KPNA5: variants seen among roughly 807,000 people sequenced by gnomAD.
The protein encoded by KPNA5 is importin subunit alpha-6.
KPNA5 carries 46 observed loss-of-function variants against 71.3 expected under a neutral mutation model. The observed-to-expected ratio is 0.65, with a 90% CI of 0.51 to 0.83. KPNA5 has a LOEUF of 0.83. Among genes scored for constraint, KPNA5 ranks in the 40% least tolerant of loss-of-function variants. The pLI is 0.00. For synonymous variants in KPNA5, 207 were observed against 201.4 expected (o/e 1.03, Z -0.24); for missense variants, 547 against 628.3 (o/e 0.87, Z 1.38).
intron 1 of KPNA5, among the ~76,000 whole-genome samples, chr6:116,682,473 T>C (rs916340986): frequency 7.9e-5 from 12 of 152,226 alleles, no homozygotes; most frequent in African/African-American, 2.4e-4. Context: ...AGTGGTTTTC[T>C]TGGTAGGTCA....
chr6:116,684,589 C>T (rs936865147), intron 1 of KPNA5, among the ~76,000 whole-genome samples: 1 of 152,192 alleles, frequency 6.6e-6, no homozygotes, highest in African/African-American at 2.4e-5. Flanking sequence ...TATTCTTCTA[C>T]TTCTCTGACC....
At position 116,724,867 on chromosome 6, in the gene KPNA5, G is replaced by GATCCTTT. The variant is rs1779237738; in HGVS notation, c.999+492_999+493insATCCTTT. 2.6e-5 allele frequency among the ~76,000 whole-genome samples: 4 copies of GATCCTTT among 152,016 alleles called. No homozygotes were observed. The South Asian group carries it at 8.3e-4, about 32-fold the overall frequency. ...TGAGCTCAAGTGATCCTCCTGCTTT[G>GATCCTTT]GCCTCTCAAAGCGTTAGACTTACAG... On this transcript the variant is annotated intron_variant, in intron 10 of 13. Transcript: ENST00000368564.
chr6:116,707,353 A>T (rs1477093462), intron 7 of KPNA5, among the ~76,000 whole-genome samples: 2 of 152,140 alleles, frequency 1.3e-5, no homozygotes, highest in Non-Finnish European at 2.9e-5. Context: ...TCCTGATACA[A>T]TTTTGCTGTA....
chr6:116,741,251 C>T lies in KPNA5; in HGVS notation c.*8928C>T, dbSNP rs1050466850. 3.9e-5 allele frequency: 6 copies of T among 152,062 alleles called. No homozygotes were observed. The highest frequency in any genetic ancestry group is 1.2e-4 in the African/African-American group (5 of 41,404). 9.4% of individuals were successfully genotyped at this position (152,062 alleles called of 1,614,324 possible). On this transcript the variant is annotated 3_prime_UTR_variant, in exon 14 of 14. Transcript: ENST00000368564. ...TTCTAAGAGAGGTGTGTTAAAATCT[C>T]CCAAGATGATTGGTGGATTTTGAAT...
chr6:116,708,012 A>G (rs1778513085), intron 7 of KPNA5, among the ~76,000 whole-genome samples: 2 of 152,228 alleles, frequency 1.3e-5, no homozygotes, highest in Non-Finnish European at 2.9e-5. Flanking sequence ...CATACAATAT[A>G]TTACCTTTGT....
At chr6:116,693,691 G>A (rs1777901780) in intron 4 of KPNA5, among the ~76,000 whole-genome samples, 1 of 152,112 alleles carries the variant, frequency 6.6e-6, no homozygotes, top group Admixed American at 6.5e-5. Flanking sequence ...TAGGTTGCCT[G>A]TTCACTCTGA....
intron 2 of KPNA5, among the ~76,000 whole-genome samples, chr6:116,690,642 CAAAA>C (rs1283337605): frequency 4.8e-5 from 3 of 62,198 alleles, no homozygotes; most frequent in Admixed American, 1.8e-4. Context: ...GACTCCATCT[CAAAA>C]AAAAAAAAAA....
Position 116,692,091 on chromosome 6 carries a change from G to C in KPNA5, c.175G>C (p.Asp59His). The change falls in exon 3 of 14, where the codon GAT (aspartate) becomes CAT (histidine). Residue 59 changes from aspartate to histidine, a missense_variant. Transcript: ENST00000368564. ...KRRNVYLPRNDESMLESPIQD... is the reference protein window; with the variant it reads ...KRRNVYLPRNHESMLESPIQD... ...CAGAAATGTCTATTTGCCCAGAAAT[G>C]ATGAATCTATGCTTGAAAGTCCTAT... 6.2e-7 allele frequency: 1 copy of C among 1,612,766 alleles called. No homozygotes were observed. Among genetic ancestry groups the C allele is most frequent in the Non-Finnish European group, 8.5e-7 (1 of 1,179,062 alleles).
At chr6:116,693,040 C>T (rs1222241123) in intron 4 of KPNA5, among the ~76,000 whole-genome samples, 1 of 152,192 alleles carries the variant, frequency 6.6e-6, no homozygotes, top group Admixed American at 6.5e-5. Context: ...CCAGCTTCAT[C>T]CATGTCCCTA....
chr6:116,723,667 C>T (rs1779196707), intron 9 of KPNA5, among the ~76,000 whole-genome samples: 1 of 151,356 alleles, frequency 6.6e-6, no homozygotes, highest in South Asian at 2.1e-4. Flanking sequence ...CACACTAAAG[C>T]ATGTAGTTAG....
At chr6:116,728,003 A>G (rs943740837) in intron 12 of KPNA5, among the ~76,000 whole-genome samples, 1 of 152,080 alleles carries the variant, frequency 6.6e-6, no homozygotes, top group African/African-American at 2.4e-5. Context: ...AAATCTACCT[A>G]TTGTGAAATT....
chr6:116,705,076 T>G lies in KPNA5; in HGVS notation c.572T>G (p.Val191Gly). 1 of 1,610,130 alleles carries G rather than the reference T, an allele frequency of 6.2e-7. No individual in the cohort carries two copies. Among genetic ancestry groups the G allele is most frequent in the Non-Finnish European group, 8.5e-7 (1 of 1,178,604 alleles). ...ATAATTTTTTTTTTTCCTAAGGCTG[T>G]TTGGGCACTTGGTAATATTGCTGGT... is the stretch of plus-strand genomic sequence containing the variant. ...SEHEDVQEQA[V>G]WALGNIAGDN... The change falls in exon 7 of 14, where the codon GTT (valine) becomes GGT (glycine). Residue 191 changes from valine (V) to glycine (G), a missense_variant. Coordinates refer to ENST00000368564, the MANE Select transcript of KPNA5 (RefSeq NM_001366306.2).
chr6:116,700,253 C>T (rs1778178169), intron 5 of KPNA5, among the ~76,000 whole-genome samples: 1 of 152,106 alleles, frequency 6.6e-6, no homozygotes, highest in Non-Finnish European at 1.5e-5. Flanking sequence ...GGGAGGACCT[C>T]TTGAACCCAG....
chr6:116,732,074 TTATATATATATATATATATATATATA>T (rs2243369), intron 13 of KPNA5, 36 bp from the exon 14 acceptor site: 3,599 of 67,720 alleles, frequency 0.053, 278 homozygotes, highest in South Asian at 0.24. Context: ...AACAGTTTGT[TTATATATATATATATATATATATATA>T]TATATATATA....
intron 4 of KPNA5, among the ~76,000 whole-genome samples, chr6:116,695,524 C>T (rs1777993554): frequency 6.6e-6 from 1 of 152,106 alleles, no homozygotes; most frequent in African/African-American, 2.4e-5. Flanking sequence ...GCTCAACTGC[C>T]TTATTGTCCT....
At chr6:116,726,470 G>C (rs1276695724) in intron 11 of KPNA5, 25 bp from the exon 12 acceptor site, 6 of 1,592,614 alleles carry the variant, frequency 3.8e-6, no homozygotes, top group Non-Finnish European at 5.2e-6. Context: ...TATTTGTACT[G>C]ATTATATATT....
At position 116,734,052 on chromosome 6, in the gene KPNA5, T is replaced by C. The variant is rs1168250817; in HGVS notation, c.*1729T>C. 6.6e-6 allele frequency: 1 copy of C among 151,666 alleles called. No homozygotes were observed. Among genetic ancestry groups the C allele is most frequent in the African/African-American group, 2.4e-5 (1 of 41,378 alleles). The allele number at this position is 151,666 out of a possible 1,614,324, so 9.4% of individuals were successfully genotyped here. A position where few individuals can be genotyped will look rare whatever the true frequency, so the allele number is the denominator to read the frequency against. On this transcript the variant is annotated 3_prime_UTR_variant, in exon 14 of 14. Transcript: ENST00000368564. ...GATTGTATCTGTGCCCCTTTTTTCG[T>C]AGTGGAAGGTATATAGCCGAGTATA...
At chr6:116,681,634 G>T in intron 1 of KPNA5, 1 of 905,910 alleles carries the variant, frequency 1.1e-6, no homozygotes, top group Non-Finnish European at 1.4e-6. Context: ...ACCGTTTCTC[G>T]GTAGTTCTTT....
Position 116,692,286 on chromosome 6 carries a change from G to A in KPNA5, c.241-7G>A. The A allele has an allele frequency of 6.4e-7, 1 of 1,551,496 alleles. No individual in the cohort carries two copies. The highest frequency in any genetic ancestry group is 8.8e-7 in the Non-Finnish European group (1 of 1,135,984). On this transcript the variant is annotated splice_region_variant and splice_polypyrimidine_tract_variant and intron_variant, in intron 3 of 13. Coordinates refer to ENST00000368564, the MANE Select transcript of KPNA5 (RefSeq NM_001366306.2). Reference sequence around the variant, plus strand: ...ATGTTAATTATATTTTTGTGTGTGTGTTTTAGGAAGAAGTTGTTACTACAG... The same window carrying A: ...ATGTTAATTATATTTTTGTGTGTGTATTTTAGGAAGAAGTTGTTACTACAG...
Sources: gnomAD v4.1 joint callset for allele counts (sites outside exome capture counted in the v4.1 genomes callset) on GRCh38, gnomAD v4.1.1 for gene constraint, MANE v1.5 for transcripts, NCBI Gene and HGNC (gene_info 2026-07-23, HGNC 2026-07-21) for gene names.